The following ANKS6 variants were observed in gnomAD, a reference collection of about 807,000 sequenced individuals.
ANKS6 encodes the protein ankyrin repeat and SAM domain-containing protein 6.
ANKS6 carries 47 observed loss-of-function variants against 77.9 expected under a neutral mutation model. The observed-to-expected ratio is 0.60, with a 90% CI of 0.48 to 0.77. The LOEUF (loss-of-function observed/expected upper bound fraction) is 0.77. ANKS6 is among the 30% of genes least tolerant of loss of function. The pLI is 0.00. For missense variants in ANKS6, 1,150 were observed against 1,159.1 expected, an observed-to-expected ratio of 0.99 and a Z score of 0.11; for synonymous variants, 488 against 501.7, an observed-to-expected ratio of 0.97 and a Z score of 0.37.
chr9:98,772,448 G>A (rs1833694631), intron 9 of ANKS6, among the ~76,000 whole-genome samples: 1 of 152,192 alleles, frequency 6.6e-6, no homozygotes, highest in South Asian at 2.1e-4. Flanking sequence ...GCAGGACTGT[G>A]AGAGAATACA....
chr9:98,751,126 A>C, intron 12 of ANKS6, 30 bp from the exon 13 acceptor site: 1 of 1,565,556 alleles, frequency 6.4e-7, no homozygotes, highest in Non-Finnish European at 8.7e-7. Flanking sequence ...AAAAAAAACA[A>C]CACATTTTAG....
At chr9:98,789,498 T>A (rs766783308) in intron 2 of ANKS6, among the ~76,000 whole-genome samples, 1 of 150,946 alleles carries the variant, frequency 6.6e-6, no homozygotes, top group Non-Finnish European at 1.5e-5. Context: ...CAATTTTACA[T>A]GAACTAGTGT....
intron 14 of ANKS6, 120 bp from the exon 15 acceptor site, chr9:98,736,743 G>A (rs975819401): frequency 1.6e-6 from 2 of 1,256,028 alleles, no homozygotes. Flanking sequence ...GCGTCTTGGG[G>A]AAAATAAATT....
At chr9:98,785,446 G>A (rs1185959781) in intron 2 of ANKS6, among the ~76,000 whole-genome samples, 2 of 152,158 alleles carry the variant, frequency 1.3e-5, no homozygotes, top group East Asian at 1.9e-4. Flanking sequence ...GCCAAAAGCC[G>A]CTGCCCAACT....
At position 98,733,250 on chromosome 9, in the gene ANKS6, A is replaced by G. The variant is rs559537321; in HGVS notation, c.*3269T>C. The G allele has an allele frequency of 8.9e-5, 88 of 985,554 alleles. No homozygotes were observed. The highest frequency in any genetic ancestry group is 1.0e-4 in the Non-Finnish European group (86 of 830,036). The allele number at this position is 985,554 out of a possible 1,614,324, so 61.1% of individuals were successfully genotyped here. On this transcript the variant is annotated 3_prime_UTR_variant, in exon 15 of 15. Transcript: ENST00000353234. ...CTCCTCACAAAACCAGCTGGCCTCC[A>G]TGTAATTTTGTGGCGCTGAAGAAGA...
chr9:98,760,831 G>C, intron 11 of ANKS6, among the ~76,000 whole-genome samples: 1 of 152,100 alleles, frequency 6.6e-6, no homozygotes, highest in East Asian at 1.9e-4. Context: ...TTCCAGTTTG[G>C]GGTGATTATT....
rs1380153337 is a variant in ANKS6, at chr9:98,732,558, G to A, written c.*3961C>T. 9.0e-6 allele frequency: 14 copies of A among 1,550,458 alleles called. No homozygotes were observed. Among genetic ancestry groups the A allele is most frequent in the South Asian group, 2.4e-5 (2 of 84,074 alleles). ...GCCTCACCCACCCAACCATGGCTACGTCAGGGCAGAAGGGAGAGAAGAAAG... is the reference window on the plus strand; with the variant it reads ...GCCTCACCCACCCAACCATGGCTACATCAGGGCAGAAGGGAGAGAAGAAAG... On this transcript the variant is annotated 3_prime_UTR_variant, in exon 15 of 15. Transcript: ENST00000353234.
At chr9:98,793,615 GGTTCAAGCGATT>G in intron 1 of ANKS6, among the ~76,000 whole-genome samples, 1 of 151,956 alleles carries the variant, frequency 6.6e-6, no homozygotes, top group Non-Finnish European at 1.5e-5. Flanking sequence ...CCGCCTCCCA[GGTTCAAGCGATT>G]CTCCTGCCTC....
chr9:98,795,178 T>C (rs1469073549), intron 1 of ANKS6, among the ~76,000 whole-genome samples: 1 of 152,122 alleles, frequency 6.6e-6, no homozygotes, highest in African/African-American at 2.4e-5. Context: ...TTCATCTGGG[T>C]GCCCTCCCTC....
intron 13 of ANKS6, among the ~76,000 whole-genome samples, chr9:98,746,520 T>C (rs1040834374): frequency 1.3e-5 from 2 of 151,318 alleles, no homozygotes; most frequent in Non-Finnish European, 2.9e-5. Flanking sequence ...TTAACCCTCA[T>C]GACATTGGCG....
At chr9:98,769,990 C>G (rs1277710242) in intron 10 of ANKS6, among the ~76,000 whole-genome samples, 1 of 152,128 alleles carries the variant, frequency 6.6e-6, no homozygotes, top group Non-Finnish European at 1.5e-5. Flanking sequence ...CTTGGCTCAT[C>G]TGGTCTTAAA....
chr9:98,778,065 C>T (rs976084270), intron 7 of ANKS6, among the ~76,000 whole-genome samples, 161 bp downstream of exon 7: 6 of 152,124 alleles, frequency 3.9e-5, no homozygotes, highest in African/African-American at 1.2e-4. Context: ...GTGGTTGTGT[C>T]CCTGCCTAAG....
intron 2 of ANKS6, 47 bp from the exon 3 acceptor site, chr9:98,784,923 T>C: frequency 1.9e-6 from 3 of 1,568,096 alleles, no homozygotes; most frequent in Non-Finnish European, 2.6e-6. Context: ...AGGTTTAATA[T>C]AACAGAAAAG....
intron 1 of ANKS6, among the ~76,000 whole-genome samples, chr9:98,795,726 C>T (rs894995585): frequency 1.3e-5 from 2 of 152,188 alleles, no homozygotes; most frequent in Admixed American, 6.5e-5. Context: ...TCCGGTCAAG[C>T]TCGTTCCTTT....
chr9:98,758,272 T>C (rs1352157404), intron 11 of ANKS6, among the ~76,000 whole-genome samples: 2 of 152,014 alleles, frequency 1.3e-5, no homozygotes. Flanking sequence ...GCTTTGGCCA[T>C]TGTGAGATCT....
chr9:98,780,412 C>A, intron 5 of ANKS6, 75 bp from the exon 6 acceptor site: 2 of 1,466,858 alleles, frequency 1.4e-6, no homozygotes, highest in South Asian at 2.7e-5. Context: ...AAGATGACCC[C>A]TGTTAGACTT....
chr9:98,789,448 AG>A, intron 2 of ANKS6, among the ~76,000 whole-genome samples: 1 of 150,806 alleles, frequency 6.6e-6, no homozygotes, highest in Non-Finnish European at 1.5e-5. Flanking sequence ...AAAAAAAAAA[AG>A]ATGCACTGCT....
chr9:98,756,640 C>T (rs78858055), intron 11 of ANKS6, 37 bp from the exon 12 acceptor site: 10 of 1,433,964 alleles, frequency 7.0e-6, no homozygotes, highest in African/African-American at 4.4e-5. Flanking sequence ...TAAGCCATCA[C>T]CTGTAGGGTA....
intron 1 of ANKS6, among the ~76,000 whole-genome samples, chr9:98,795,580 C>A (rs1036700506): frequency 2.6e-5 from 4 of 152,202 alleles, no homozygotes; most frequent in Admixed American, 1.3e-4. Context: ...TCATGCCTTC[C>A]CACAGCCCAC....
Sources: allele counts gnomAD v4.1 joint callset (sites outside exome capture counted in the v4.1 genomes callset), GRCh38; gene constraint gnomAD v4.1.1; transcripts MANE v1.5; gene names NCBI Gene and HGNC (gene_info 2026-07-23, HGNC 2026-07-21).